The following LACC1 variants were observed in gnomAD, a reference collection of about 807,000 sequenced individuals.
The protein encoded by LACC1 is laccase domain multifunctional purine nucleosidase 1, also known as purine nucleoside phosphorylase LACC1.
In LACC1, 25 loss-of-function variants were observed where a neutral mutation model predicts 34.8. The ratio of observed to expected loss-of-function variants is 0.72; its 90% CI spans 0.52 to 1.00. The LOEUF is 1.00. Among genes scored for constraint, LACC1 ranks in the 50% least tolerant of loss-of-function variants. The probability of loss-of-function intolerance (pLI) is 0.00; values close to 1 mark genes in which losing one functional copy is unlikely to be tolerated. For missense variants in LACC1, 426 were observed against 511.2 expected (o/e 0.83, Z 1.61); for synonymous variants, 162 against 168.0 (o/e 0.96, Z 0.28).
intron 4 of LACC1, 136 bp from the exon 5 acceptor site, chr13:43,888,621 A>C: frequency 1.5e-6 from 1 of 685,826 alleles, no homozygotes; most frequent in Non-Finnish European, 2.5e-6. Context: ...TAAAAACCAC[A>C]TGATAATGTA....
rs551072241 is a variant in LACC1 at position 43,893,358 on chromosome 13, G to A, written c.*1911G>A. 3 of 152,022 alleles carry A rather than the reference G, an allele frequency of 2.0e-5. No homozygotes were observed. The South Asian group carries it at 6.2e-4, about 32-fold the overall frequency. 9.4% of individuals were successfully genotyped at this position (152,022 alleles called of 1,614,324 possible). Reference sequence around the variant, plus strand: ...CAAAATTTGTGATGAATTAAGATTTGAACATATGTTTTGTGACTCCAGTTT... The same window carrying A: ...CAAAATTTGTGATGAATTAAGATTTAAACATATGTTTTGTGACTCCAGTTT... On this transcript the variant is annotated 3_prime_UTR_variant, in exon 7 of 7. Transcript: ENST00000325686.
At chr13:43,886,409 T>G (rs1466078228) in intron 4 of LACC1, among the ~76,000 whole-genome samples, 1 of 152,090 alleles carries the variant, frequency 6.6e-6, no homozygotes, top group Non-Finnish European at 1.5e-5. Flanking sequence ...ATATACATAA[T>G]GGAATACTAT....
At chr13:43,884,053 A>G (rs925466773) in intron 4 of LACC1, 117 bp downstream of exon 4, 1 of 728,348 alleles carries the variant, frequency 1.4e-6, no homozygotes. Context: ...TGGTAAGTGT[A>G]ATGATGGGAG....
intron 4 of LACC1, among the ~76,000 whole-genome samples, chr13:43,884,942 A>C (rs920555247): frequency 2.6e-5 from 4 of 152,186 alleles, no homozygotes; most frequent in Non-Finnish European, 5.9e-5. Context: ...TAGTTTAAAC[A>C]TATCCAAGAT....
intron 4 of LACC1, among the ~76,000 whole-genome samples, chr13:43,885,328 G>A (rs980553275): frequency 6.6e-6 from 1 of 152,078 alleles, no homozygotes; most frequent in Non-Finnish European, 1.5e-5. Flanking sequence ...AATAAAGCTG[G>A]AGGAGTCATA....
chr13:43,885,917 A>G (rs1004983178), intron 4 of LACC1, among the ~76,000 whole-genome samples: 7 of 152,176 alleles, frequency 4.6e-5, no homozygotes, highest in Non-Finnish European at 8.8e-5. Flanking sequence ...ACAAATAACA[A>G]TCAATCCCAT....
chr13:43,879,575 C>T (rs1235101340), upstream of LACC1: 1 of 152,282 alleles, frequency 6.6e-6, no homozygotes, highest in Non-Finnish European at 1.5e-5. Flanking sequence ...GATTCCCCAG[C>T]TCTCGCGCTG....
intron 3 of LACC1, among the ~76,000 whole-genome samples, chr13:43,882,995 T>C (rs1459780308): frequency 1.3e-5 from 2 of 152,110 alleles, no homozygotes; most frequent in African/African-American, 2.4e-5. Flanking sequence ...TGGGACCATG[T>C]AGACACCCCA....
intron 4 of LACC1, among the ~76,000 whole-genome samples, chr13:43,887,825 T>A (rs2138346465): frequency 6.6e-6 from 1 of 152,240 alleles, no homozygotes; most frequent in Middle Eastern, 3.4e-3. Flanking sequence ...TATGGAGAAG[T>A]TGAAATCCTG....
At chr13:43,885,843 A>G (rs1291217313) in intron 4 of LACC1, among the ~76,000 whole-genome samples, 1 of 152,176 alleles carries the variant, frequency 6.6e-6, no homozygotes, top group Non-Finnish European at 1.5e-5. Context: ...TGGAGAAAAT[A>G]TTTGCAAACT....
chr13:43,884,012 G>A, intron 4 of LACC1, 76 bp downstream of exon 4: 1 of 1,265,546 alleles, frequency 7.9e-7, no homozygotes, highest in South Asian at 1.4e-5. Context: ...CTTTCTGATG[G>A]ACATGGCAAA....
chr13:43,880,831 T>C, intron 1 of LACC1, 121 bp from the exon 2 acceptor site: 1 of 658,460 alleles, frequency 1.5e-6, no homozygotes, highest in Non-Finnish European at 2.5e-6. Context: ...GGGCCTAGAT[T>C]TACTATTTTA....
At position 43,888,880 on chromosome 13, in the gene LACC1, C is replaced by G; in HGVS notation, c.1031C>G (p.Thr344Ser). 6.2e-7 allele frequency: 1 copy of G among 1,613,836 alleles called. No homozygotes were observed. The highest frequency in any genetic ancestry group is 8.5e-7 in the Non-Finnish European group (1 of 1,179,794). Residue 344 changes from threonine (T) to serine (S), a missense_variant, in exon 5 of 7, where the codon ACT (threonine) becomes AGT (serine). By Grantham distance (58) the Thr-to-Ser change is moderately conservative. Coordinates refer to ENST00000325686, the MANE Select transcript of LACC1 (RefSeq NM_153218.4). ...LGPSVGPCCF[T>S]LPRESAEAFH... The stretch of plus-strand genomic sequence containing the variant: ...CCTTCAGTAGGACCTTGCTGTTTTA[C>G]TCTTCCAAGGGAATCAGCAGAGGCA...
intron 3 of LACC1, 101 bp downstream of exon 3, chr13:43,882,464 T>C (rs1955114858): frequency 1.2e-6 from 1 of 803,116 alleles, no homozygotes; most frequent in Non-Finnish European, 1.9e-6. Context: ...TCTGCTTTTT[T>C]ATCTAAAGTT....
chr13:43,888,434 AT>A (rs1021199587), intron 4 of LACC1, among the ~76,000 whole-genome samples: 1 of 152,148 alleles, frequency 6.6e-6, no homozygotes, highest in African/African-American at 2.4e-5. Flanking sequence ...TTTTGTGGTT[AT>A]AATAGTAAAT....
intron 3 of LACC1, among the ~76,000 whole-genome samples, chr13:43,883,537 G>A (rs1955174861): frequency 6.6e-6 from 1 of 151,850 alleles, no homozygotes; most frequent in South Asian, 2.1e-4. Flanking sequence ...ATTTTATAAT[G>A]TTAAACTCTG....
chr13:43,888,980 A>G lies in LACC1; in HGVS notation c.1131A>G (p.Thr377=). 6.2e-7 allele frequency: 1 copy of G among 1,607,094 alleles called. No individual in the cohort carries two copies. The part of the protein sequence containing the change: ...PNPCIDIRKA[T]RILLEQGGIL... ...CCTGTATCGACATCCGTAAAGCCACAAGGTATGTCTGATTTCATTCAACTG... is the reference window on the plus strand; with the variant it reads ...CCTGTATCGACATCCGTAAAGCCACGAGGTATGTCTGATTTCATTCAACTG... Residue 377 remains threonine (T), a splice_region_variant and synonymous_variant, in exon 5 of 7, where the codon ACA becomes ACG. Transcript: ENST00000325686.
At position 43,881,510 on chromosome 13, in the gene LACC1, A is replaced by T. The variant is rs1387822331; in HGVS notation, c.525A>T (p.Arg175Ser). 6.2e-7 allele frequency: 1 copy of T among 1,609,564 alleles called. No individual in the cohort carries two copies. Among genetic ancestry groups the T allele is most frequent in the East Asian group, 2.2e-5 (1 of 44,834 alleles). ...ETFLRSLPAL[R>S]GKLTIITSSL... is the part of the protein sequence containing the mutation. ...TTTTGAGAAGTCTGCCAGCACTGAGAGGAAAATTAACTATTATCACTTCTT... is the reference window on the plus strand; with the variant it reads ...TTTTGAGAAGTCTGCCAGCACTGAGTGGAAAATTAACTATTATCACTTCTT... The change falls in exon 2 of 7, where the codon AGA becomes AGT. Residue 175 changes from arginine (R) to serine (S), a missense_variant. Physicochemically the swap from Arg to Ser is moderately radical, Grantham distance 110. This residue lies in a region of LACC1 where 217 missense variants were observed against 210.9 expected (regional missense o/e 1.03). Transcript: ENST00000325686.
Position 43,884,270 on chromosome 13 carries a change from C to T in LACC1, c.907+334C>T, listed in dbSNP as rs561403631. ...ACATTGCAGATTAAGTGTCTTTAGC[C>T]CCTGAAATCCTTAATGACAGTAGCA... On this transcript the variant is annotated intron_variant, in intron 4 of 6. Transcript: ENST00000325686. Among the ~76,000 whole-genome samples, 12 of 152,116 alleles carry T rather than the reference C, an allele frequency of 7.9e-5. No individual in the cohort carries two copies. In the South Asian group the frequency reaches 2.5e-3, roughly 32 times the overall value.
Sources: gnomAD v4.1 joint callset for allele counts (sites outside exome capture counted in the v4.1 genomes callset) on GRCh38, gnomAD v4.1.1 for gene constraint, gnomAD v4.1.1 regional missense constraint, MANE v1.5 for transcripts, NCBI Gene and HGNC (gene_info 2026-07-23, HGNC 2026-07-21) for gene names.